Variants in PTPRK observed in about 807,000 individuals in gnomAD.
The protein encoded by PTPRK is protein tyrosine phosphatase receptor type K.
PTPRK carries 75 observed loss-of-function variants against 178.0 expected under a neutral mutation model. The observed-to-expected ratio is 0.42, with a 90% CI of 0.35 to 0.51. The LOEUF (loss-of-function observed/expected upper bound fraction) is 0.51. Among genes scored for constraint, PTPRK ranks in the 20% least tolerant of loss-of-function variants. The probability of loss-of-function intolerance (pLI) is 0.02; values close to 1 mark genes in which losing one functional copy is unlikely to be tolerated. For synonymous variants in PTPRK, 637 were observed against 620.6 expected (o/e 1.03, Z -0.39); for missense variants, 1,441 against 1,797.8 (o/e 0.80, Z 3.59).
In PTPRK at chr6:128,262,135, T is replaced by C. The variant is rs187706742; in HGVS notation, c.496-19533A>G. 4.6e-5 allele frequency among the ~76,000 whole-genome samples: 7 copies of C among 152,278 alleles called. No homozygotes were observed. In the East Asian group the frequency reaches 1.3e-3, roughly 29 times the overall value. On this transcript the variant is annotated intron_variant, in intron 3 of 29. Coordinates refer to ENST00000368226, the MANE Select transcript of PTPRK (RefSeq NM_002844.4). ...ATATTACTTTCCAGGTTTGGATTCA[T>C]CCCAATTTTATGGATGACAAATTAA...
At chr6:128,452,804 T>C (rs1174544641) in intron 1 of PTPRK, among the ~76,000 whole-genome samples, 1 of 152,168 alleles carries the variant, frequency 6.6e-6, no homozygotes, top group Non-Finnish European at 1.5e-5. Flanking sequence ...TATATAGGTT[T>C]CCTGTTTTGG....
chr6:128,370,020 A>C (rs913302763), intron 2 of PTPRK, among the ~76,000 whole-genome samples: 9 of 152,206 alleles, frequency 5.9e-5, no homozygotes, highest in African/African-American at 1.9e-4. Flanking sequence ...GATTAAAAGC[A>C]AAGCTTGAAT....
rs140578679 is a variant in PTPRK, at chr6:127,995,139, A to T, written c.2844+323T>A. The T allele has an allele frequency of 1.8e-4, 188 of 1,071,916 alleles. 1 individual carries two copies. In the African/African-American group the frequency reaches 2.5e-3, roughly 14 times the overall value. 66.4% of individuals were successfully genotyped at this position (1,071,916 alleles called of 1,614,324 possible). On this transcript the variant is annotated intron_variant, in intron 18 of 29. Transcript: ENST00000368226. ...AGAGATATATTGTATGAAGCTAATT[A>T]GGTGAAGCATGCAGAAATAACTAGT...
At chr6:128,125,765 A>G (rs1181403344) in intron 7 of PTPRK, among the ~76,000 whole-genome samples, 3 of 151,106 alleles carry the variant, frequency 2.0e-5, no homozygotes, top group African/African-American at 7.3e-5. Flanking sequence ...ATGCACCACC[A>G]TACCTGGCTA....
At chr6:127,997,017 G>T in intron 16 of PTPRK, 29 bp from the exon 17 acceptor site, 1 of 1,595,760 alleles carries the variant, frequency 6.3e-7, no homozygotes, top group Non-Finnish European at 8.6e-7. Context: ...TAAGCAGACT[G>T]AATTTAATTC....
chr6:128,046,466 C>A (rs1778046080), intron 13 of PTPRK, among the ~76,000 whole-genome samples: 1 of 152,218 alleles, frequency 6.6e-6, no homozygotes, highest in Middle Eastern at 3.4e-3. Flanking sequence ...AGAAAAGCCA[C>A]ATCCCTGCCC....
intron 2 of PTPRK, among the ~76,000 whole-genome samples, chr6:128,385,773 T>C (rs988243018): frequency 2.0e-5 from 3 of 152,138 alleles, no homozygotes; most frequent in African/African-American, 7.2e-5. Flanking sequence ...CAATAGAAAG[T>C]CAAAGATCAG....
chr6:128,263,553 C>T (rs897357627), intron 3 of PTPRK, among the ~76,000 whole-genome samples: 2 of 152,054 alleles, frequency 1.3e-5, no homozygotes, highest in Non-Finnish European at 2.9e-5. Context: ...AGATATAAAG[C>T]AATATCAGGA....
rs72986209 is a variant in PTPRK, at chr6:128,499,150, A to C, written c.100+21109T>G. Among the ~76,000 whole-genome samples the C allele has an allele frequency of 4.2e-3, 647 of 152,324 alleles. 2 individuals are homozygous for C. Among genetic ancestry groups the C allele is most frequent in the Non-Finnish European group, 6.7e-3 (454 of 68,018 alleles). On this transcript the variant is annotated intron_variant, in intron 1 of 29. Coordinates refer to ENST00000368226, the MANE Select transcript of PTPRK (RefSeq NM_002844.4). ...TTGTCAAGAGTAATACCAAAATAGG[A>C]AAAGTAAATAAAAAAAAAACCTTAG...
At chr6:128,392,345 A>G (rs544689319) in intron 2 of PTPRK, among the ~76,000 whole-genome samples, 90 of 152,316 alleles carry the variant, frequency 5.9e-4, no homozygotes, top group African/African-American at 2.1e-3. Flanking sequence ...CAGTGAAAAC[A>G]CTAGACTGAA....
At chr6:128,005,917 CT>C (rs890088564) in intron 14 of PTPRK, 733 of 823,924 alleles carry the variant, frequency 8.9e-4, no homozygotes, top group South Asian at 1.7e-3. Flanking sequence ...TCTGAAAAAA[CT>C]TTTTTTTTGA....
At chr6:128,192,475 T>A (rs531096391) in intron 6 of PTPRK, among the ~76,000 whole-genome samples, 60 of 152,256 alleles carry the variant, frequency 3.9e-4, no homozygotes, top group Middle Eastern at 6.8e-3. Context: ...ATAGAATGAA[T>A]GACTGCCTTA....
chr6:128,239,901 C>G (rs1226481109), intron 5 of PTPRK, 134 bp downstream of exon 5: 2 of 529,796 alleles, frequency 3.8e-6, no homozygotes, highest in East Asian at 6.5e-5. Context: ...CTCACGCAGA[C>G]AGCCTGTCCC....
At chr6:128,350,459 T>C (rs1250462799) in intron 2 of PTPRK, among the ~76,000 whole-genome samples, 1 of 152,006 alleles carries the variant, frequency 6.6e-6, no homozygotes, top group Non-Finnish European at 1.5e-5. Flanking sequence ...AAACAGAAGG[T>C]AGAGGCAGTG....
At chr6:128,214,710 G>A (rs987081009) in intron 6 of PTPRK, among the ~76,000 whole-genome samples, 1 of 152,136 alleles carries the variant, frequency 6.6e-6, no homozygotes, top group African/African-American at 2.4e-5. Flanking sequence ...ACAAAGTGAA[G>A]AATTGGAAAG....
intron 1 of PTPRK, among the ~76,000 whole-genome samples, chr6:128,432,191 G>A (rs923902110): frequency 6.6e-6 from 1 of 152,126 alleles, no homozygotes; most frequent in Non-Finnish European, 1.5e-5. Flanking sequence ...ACTAAACACT[G>A]CACCTCATTT....
At chr6:128,438,993 C>T (rs1845959695) in intron 1 of PTPRK, among the ~76,000 whole-genome samples, 1 of 152,168 alleles carries the variant, frequency 6.6e-6, no homozygotes. Context: ...CCAAACTTAA[C>T]GTTCTTTCCA....
chr6:128,041,664 T>C (rs1777181890), intron 13 of PTPRK, among the ~76,000 whole-genome samples: 1 of 151,958 alleles, frequency 6.6e-6, no homozygotes, highest in Non-Finnish European at 1.5e-5. Flanking sequence ...TTCTGTAGCA[T>C]TTGCTACTTC....
intron 21 of PTPRK, among the ~76,000 whole-genome samples, chr6:127,986,393 T>C (rs1046458553): frequency 9.9e-5 from 15 of 152,226 alleles, no homozygotes; most frequent in Admixed American, 9.2e-4. Context: ...TGTGAAAATA[T>C]ACAGGCAGCT....
Sources: allele counts gnomAD v4.1 joint callset (sites outside exome capture counted in the v4.1 genomes callset), GRCh38; gene constraint gnomAD v4.1.1; transcripts MANE v1.5; gene names NCBI Gene and HGNC (gene_info 2026-07-23, HGNC 2026-07-21).